AGBL4: variants seen among roughly 807,000 people sequenced by gnomAD.
The protein encoded by AGBL4 is cytosolic carboxypeptidase 6.
In AGBL4, 58 loss-of-function variants were observed where a neutral mutation model predicts 66.4. The ratio of observed to expected loss-of-function variants is 0.87; its 90% CI spans 0.71 to 1.09. AGBL4 has a LOEUF of 1.09. Among genes scored for constraint, AGBL4 ranks in the 50% least tolerant of loss-of-function variants. The pLI is 0.00. For synonymous variants in AGBL4, 234 were observed against 222.9 expected (o/e 1.05, Z -0.44); for missense variants, 579 against 631.0 (o/e 0.92, Z 0.88).
chr1:48,997,422 T>C (rs1439498863), intron 5 of AGBL4, among the ~76,000 whole-genome samples: 3 of 152,200 alleles, frequency 2.0e-5, no homozygotes, highest in African/African-American at 7.2e-5. Flanking sequence ...GCTTCTTTTT[T>C]CTCTTTTAAG....
At chr1:49,539,112 T>C (rs867558906) in intron 3 of AGBL4, among the ~76,000 whole-genome samples, 5 of 152,172 alleles carry the variant, frequency 3.3e-5, no homozygotes, top group Non-Finnish European at 7.4e-5. Flanking sequence ...TGATATGTTA[T>C]GTAGTATATT....
chr1:48,886,736 T>C (rs931835566), intron 5 of AGBL4, among the ~76,000 whole-genome samples: 3 of 151,984 alleles, frequency 2.0e-5, no homozygotes, highest in Admixed American at 6.6e-5. Flanking sequence ...GTATTTTTAG[T>C]AGAGAGGAGT....
At chr1:49,408,498 C>T (rs1645250192) in intron 3 of AGBL4, among the ~76,000 whole-genome samples, 1 of 152,180 alleles carries the variant, frequency 6.6e-6, no homozygotes, top group African/African-American at 2.4e-5. Flanking sequence ...AGGAGATTAA[C>T]ATTTGAGTCA....
intron 6 of AGBL4, among the ~76,000 whole-genome samples, chr1:48,716,513 C>T (rs1647053151): frequency 6.6e-6 from 1 of 152,168 alleles, no homozygotes; most frequent in Non-Finnish European, 1.5e-5. Context: ...ATCCATCCAG[C>T]TCAAGAGTGT....
chr1:49,706,692 A>C (rs2124642582), intron 2 of AGBL4, among the ~76,000 whole-genome samples: 1 of 152,248 alleles, frequency 6.6e-6, no homozygotes, highest in Middle Eastern at 3.4e-3. Flanking sequence ...TTAGTGCTAT[A>C]AATTTCCCTC....
At chr1:48,822,809 T>C (rs1237097457) in intron 6 of AGBL4, among the ~76,000 whole-genome samples, 2 of 152,254 alleles carry the variant, frequency 1.3e-5, no homozygotes, top group African/African-American at 2.4e-5. Flanking sequence ...CACATCTTAC[T>C]GGTTCTGTAT....
At chr1:49,884,840 G>A (rs1417380632) in intron 1 of AGBL4, among the ~76,000 whole-genome samples, 1 of 151,608 alleles carries the variant, frequency 6.6e-6, no homozygotes, top group Non-Finnish European at 1.5e-5. Context: ...TGGGGCAGAG[G>A]GAACAAAGAA....
At chr1:49,411,462 A>G (rs1645313704) in intron 3 of AGBL4, among the ~76,000 whole-genome samples, 1 of 152,204 alleles carries the variant, frequency 6.6e-6, no homozygotes, top group African/African-American at 2.4e-5. Context: ...ACCGGGAAAC[A>G]ATACTTTGCC....
chr1:49,183,254 A>G (rs1557707716), intron 4 of AGBL4, among the ~76,000 whole-genome samples: 2 of 152,174 alleles, frequency 1.3e-5, no homozygotes, highest in Admixed American at 6.6e-5. Flanking sequence ...ACATGTGTAT[A>G]TTAAAAACTG....
At chr1:49,747,390 T>C (rs1651068878) in intron 2 of AGBL4, among the ~76,000 whole-genome samples, 1 of 152,134 alleles carries the variant, frequency 6.6e-6, no homozygotes, top group Admixed American at 6.6e-5. Flanking sequence ...TTCCTGACAT[T>C]ACCTATTAAT....
chr1:49,288,027 T>C (rs1570348482), intron 3 of AGBL4, among the ~76,000 whole-genome samples: 1 of 133,430 alleles, frequency 7.5e-6, no homozygotes, highest in Non-Finnish European at 1.6e-5. Flanking sequence ...TGGAATACTA[T>C]GCAGCCATAA....
intron 3 of AGBL4, among the ~76,000 whole-genome samples, chr1:49,649,595 G>T (rs1268830661): frequency 6.6e-6 from 1 of 152,040 alleles, no homozygotes; most frequent in Non-Finnish European, 1.5e-5. Context: ...ATAGTTTTTA[G>T]CTCAACAATC....
chr1:49,769,423 T>C (rs780978713), intron 2 of AGBL4, among the ~76,000 whole-genome samples: 1 of 152,136 alleles, frequency 6.6e-6, no homozygotes, highest in African/African-American at 2.4e-5. Flanking sequence ...GCTATTCTTA[T>C]CAAACTACCA....
chr1:49,510,640 G>A (rs1453439038), intron 3 of AGBL4, among the ~76,000 whole-genome samples: 4 of 150,952 alleles, frequency 2.6e-5, no homozygotes, highest in African/African-American at 7.3e-5. Context: ...TTGGTGTTTT[G>A]GACATGAAGT....
At chr1:49,960,736 T>C (rs530677549) in intron 1 of AGBL4, among the ~76,000 whole-genome samples, 2 of 152,244 alleles carry the variant, frequency 1.3e-5, no homozygotes, top group South Asian at 2.1e-4. Flanking sequence ...TTTAAGTTGG[T>C]ATTATCTCCA....
At chr1:49,808,350 AG>A (rs780612136) in intron 2 of AGBL4, among the ~76,000 whole-genome samples, 6 of 152,194 alleles carry the variant, frequency 3.9e-5, no homozygotes, top group Non-Finnish European at 7.3e-5. Flanking sequence ...AGATTCACAA[AG>A]GGAAGACAGG....
chr1:48,710,099 C>T (rs1570317676), intron 6 of AGBL4, among the ~76,000 whole-genome samples: 1 of 152,126 alleles, frequency 6.6e-6, no homozygotes, highest in Non-Finnish European at 1.5e-5. Flanking sequence ...AGTGGCAATC[C>T]GACTGGAAAG....
intron 6 of AGBL4, among the ~76,000 whole-genome samples, chr1:48,836,173 G>T (rs889534067): frequency 1.3e-5 from 2 of 151,740 alleles, no homozygotes; most frequent in African/African-American, 4.8e-5. Context: ...AGGAGTAGAG[G>T]CAGAGGACAG....
intron 3 of AGBL4, among the ~76,000 whole-genome samples, chr1:49,348,850 G>A (rs529517319): frequency 1.3e-5 from 2 of 152,298 alleles, no homozygotes; most frequent in South Asian, 2.1e-4. Flanking sequence ...TCTGCCACAG[G>A]ACAAGGCATT....
Sources: gnomAD v4.1 joint callset for allele counts (sites outside exome capture counted in the v4.1 genomes callset) on GRCh38, gnomAD v4.1.1 for gene constraint, MANE v1.5 for transcripts, NCBI Gene and HGNC (gene_info 2026-07-23, HGNC 2026-07-21) for gene names.